Variants in HERC3 observed in about 807,000 individuals in gnomAD.
HERC3 encodes the protein HECT and RLD domain containing E3 ubiquitin protein ligase 3, also known as probable E3 ubiquitin-protein ligase HERC3.
HERC3 carries 58 observed loss-of-function variants against 129.9 expected under a neutral mutation model. The observed-to-expected ratio is 0.45, with a 90% CI of 0.36 to 0.56. The LOEUF (loss-of-function observed/expected upper bound fraction) is 0.56, where lower values mean the gene tolerates loss of function less well. Among genes scored for constraint, HERC3 ranks in the 20% least tolerant of loss-of-function variants. HERC3 has a pLI of 0.00. For synonymous variants in HERC3, 430 were observed against 451.0 expected (o/e 0.95, Z 0.59); for missense variants, 835 against 1,244.2 (o/e 0.67, Z 4.95).
the HERC3 span, among the ~76,000 whole-genome samples, chr4:88,578,770 C>A: frequency 6.6e-6 from 1 of 152,002 alleles, no homozygotes; most frequent in African/African-American, 2.4e-5. Flanking sequence ...GCATAAATAT[C>A]ATCAGTTTTA....
At chr4:88,560,251 C>T in the HERC3 span, among the ~76,000 whole-genome samples, 191 of 152,252 alleles carry the variant, frequency 1.3e-3, no homozygotes, top group Middle Eastern at 3.4e-3. Context: ...TGAGCCACCA[C>T]GCCTGGCCAT....
At chr4:88,605,742 C>G (rs945429270) in intron 2 of HERC3, 53 bp from the exon 3 acceptor site, 2 of 1,045,148 alleles carry the variant, frequency 1.9e-6, no homozygotes, top group Non-Finnish European at 2.8e-6. Context: ...ACTTGATTTT[C>G]TATGACCTAT....
At chr4:88,701,135 T>C (rs1735280207) in intron 23 of HERC3, among the ~76,000 whole-genome samples, 1 of 152,170 alleles carries the variant, frequency 6.6e-6, no homozygotes, top group Non-Finnish European at 1.5e-5. Flanking sequence ...ATCAGAAAAA[T>C]GTCATTAGTT....
intron 3 of HERC3, among the ~76,000 whole-genome samples, chr4:88,627,650 C>T (rs1726253513): frequency 6.6e-6 from 1 of 152,014 alleles, no homozygotes; most frequent in Non-Finnish European, 1.5e-5. Context: ...CGGCTCTAAT[C>T]CCAGCACTTT....
chr4:88,563,868 G>T, the HERC3 span, among the ~76,000 whole-genome samples: 1 of 151,944 alleles, frequency 6.6e-6, no homozygotes. Flanking sequence ...ATGTTGACCA[G>T]GTTGATCTCC....
rs765432000 is a variant in HERC3, at chr4:88,606,056, G to A, written c.226+7G>A. The A allele has an allele frequency of 1.7e-5, 28 of 1,604,190 alleles. No homozygotes were observed. Among genetic ancestry groups the A allele is most frequent in the African/African-American group, 5.4e-5 (4 of 74,708 alleles). On this transcript the variant is annotated splice_region_variant and intron_variant, in intron 3 of 25. Coordinates refer to ENST00000402738, the MANE Select transcript of HERC3 (RefSeq NM_014606.3). ...AGGGAAGGAAACAAGCCAGGTAAGT[G>A]CACCTTATCTGTCTTGATTATTGGT...
At chr4:88,658,181 T>G (rs114550979) in intron 9 of HERC3, 12,474 of 328,894 alleles carry the variant, frequency 0.038, 320 homozygotes, top group Middle Eastern at 0.1. Flanking sequence ...TCACTGGCAG[T>G]TGGGGAGGGG....
the HERC3 span, among the ~76,000 whole-genome samples, chr4:88,526,951 C>CA: frequency 6.6e-4 from 100 of 152,014 alleles, no homozygotes; most frequent in East Asian, 0.019. Context: ...GAAAAATTCG[C>CA]AAAAAAGAAA....
intron 2 of HERC3, among the ~76,000 whole-genome samples, chr4:88,604,480 A>ACTAGTCTATTTT (rs762122968): frequency 4.6e-5 from 7 of 152,260 alleles, no homozygotes; most frequent in Admixed American, 1.3e-4. Flanking sequence ...CTAGGCAGAC[A>ACTAGTCTATTTT]CTAGTCTATT....
intron 3 of HERC3, among the ~76,000 whole-genome samples, chr4:88,607,996 A>G (rs1223848830): frequency 6.6e-6 from 1 of 152,162 alleles, no homozygotes; most frequent in Admixed American, 6.5e-5. Context: ...CCAGACACTG[A>G]AGCTTCATTA....
chr4:88,647,808 CT>C lies in HERC3; in HGVS notation c.227-2017del, dbSNP rs201939681. On this transcript the variant is annotated intron_variant, in intron 3 of 25. Coordinates refer to ENST00000402738, the MANE Select transcript of HERC3 (RefSeq NM_014606.3). ...ACTCCCTATCATTTCAACTCTTTAG[CT>C]TTTTTTTTTTTTTTGCTGCTTACCT... Among the ~76,000 whole-genome samples the C allele has an allele frequency of 6.0e-3, 805 of 135,256 alleles. 2 individuals are homozygous for C. Among genetic ancestry groups the C allele is most frequent in the African/African-American group, 0.014 (514 of 36,798 alleles). 88.7% of individuals were successfully genotyped at this position (135,256 alleles called of 152,430 possible). A position where few individuals can be genotyped will look rare whatever the true frequency, so the allele number is the denominator to read the frequency against.
At chr4:88,673,092 A>G (rs984646123) in intron 16 of HERC3, among the ~76,000 whole-genome samples, 3 of 152,196 alleles carry the variant, frequency 2.0e-5, no homozygotes, top group Admixed American at 6.5e-5. Flanking sequence ...ACCAAATAGC[A>G]CAGAGTGAAT....
chr4:88,595,125 A>AG (rs1722215769), intron 1 of HERC3, among the ~76,000 whole-genome samples: 1 of 146,638 alleles, frequency 6.8e-6, no homozygotes, highest in Non-Finnish European at 1.5e-5. Context: ...AAAAAAAAAG[A>AG]AAAGGAATGA....
intron 3 of HERC3, among the ~76,000 whole-genome samples, chr4:88,631,950 G>A (rs1461992365): frequency 6.6e-6 from 1 of 152,210 alleles, no homozygotes. Flanking sequence ...AACAAATAGT[G>A]GCAGGCACAT....
chr4:88,556,982 A>G, the HERC3 span, among the ~76,000 whole-genome samples: 1 of 151,948 alleles, frequency 6.6e-6, no homozygotes, highest in Non-Finnish European at 1.5e-5. Flanking sequence ...TGTACCTTAT[A>G]TTCACATATA....
At chr4:88,681,087 GGAAATGGTA>G (rs1732723002) in intron 20 of HERC3, 63 bp from the exon 21 acceptor site, 9 of 1,473,522 alleles carry the variant, frequency 6.1e-6, no homozygotes, top group Non-Finnish European at 6.3e-6. Flanking sequence ...ATATTTTGAG[GGAAATGGTA>G]GAATGTTTGA....
rs180852087 is a variant in HERC3 at position 88,598,436 on chromosome 4, A to G, written c.-30+2822A>G. Among the ~76,000 whole-genome samples, 10 of 152,304 alleles carry G rather than the reference A, an allele frequency of 6.6e-5. No homozygotes were observed. The East Asian group carries it at 1.9e-3, about 29-fold the overall frequency. On this transcript the variant is annotated intron_variant, in intron 2 of 25. Transcript: ENST00000402738. ...AGTTATGGCAGATGGTTGTGATGCT[A>G]CTTTGCTGTAGTGCAGATTTGGCAG...
chr4:88,529,694 C>T, the HERC3 span, among the ~76,000 whole-genome samples: 1 of 150,796 alleles, frequency 6.6e-6, no homozygotes, highest in Non-Finnish European at 1.5e-5. Context: ...GCAGAGGCTG[C>T]AGTGAGCTGA....
chr4:88,686,265 T>C (rs1429268095), intron 21 of HERC3, among the ~76,000 whole-genome samples: 2 of 152,216 alleles, frequency 1.3e-5, no homozygotes, highest in Non-Finnish European at 2.9e-5. Context: ...TAGAGACTTC[T>C]GCATTAACAA....
Sources: allele counts gnomAD v4.1 joint callset (sites outside exome capture counted in the v4.1 genomes callset), GRCh38; gene constraint gnomAD v4.1.1; transcripts MANE v1.5; gene names NCBI Gene and HGNC (gene_info 2026-07-23, HGNC 2026-07-21).